Variants in MICU1 observed in about 807,000 individuals in gnomAD.
MICU1 encodes the protein calcium uptake protein 1, mitochondrial.
In MICU1, 45 loss-of-function variants were observed where a neutral mutation model predicts 56.8. That is an observed-to-expected ratio of 0.79 (90% confidence interval 0.62 to 1.02). The LOEUF (loss-of-function observed/expected upper bound fraction) is 1.02. Ranked by LOEUF, MICU1 falls within the 50% of genes least tolerant of loss-of-function variation. The pLI is 0.00. For synonymous variants in MICU1, 186 were observed against 195.1 expected, an observed-to-expected ratio of 0.95 and a Z score of 0.39; for missense variants, 504 against 587.1, an observed-to-expected ratio of 0.86 and a Z score of 1.46.
intron 8 of MICU1, among the ~76,000 whole-genome samples, chr10:72,474,321 G>GT (rs930091154): frequency 6.1e-5 from 9 of 147,390 alleles, no homozygotes; most frequent in African/African-American, 1.7e-4. Flanking sequence ...AAACACCAGT[G>GT]TAAGAGAATT....
intron 5 of MICU1, chr10:72,509,482 T>C: frequency 8.9e-7 from 1 of 1,126,454 alleles, no homozygotes; most frequent in Middle Eastern, 2.3e-4. Context: ...ACACGAATCA[T>C]CGTGAAGTCA....
intron 4 of MICU1, among the ~76,000 whole-genome samples, chr10:72,544,647 T>C (rs1015365834): frequency 5.3e-5 from 8 of 152,214 alleles, no homozygotes; most frequent in African/African-American, 1.9e-4. Context: ...AGCTGGTTAC[T>C]GCAATAGCAA....
At chr10:72,536,740 C>A (rs1166478441) in intron 4 of MICU1, among the ~76,000 whole-genome samples, 1 of 152,110 alleles carries the variant, frequency 6.6e-6, no homozygotes, top group Non-Finnish European at 1.5e-5. Context: ...CAAATAGTAT[C>A]ATTTTAAGTA....
intron 5 of MICU1, chr10:72,509,480 C>T (rs1277906945): frequency 8.8e-7 from 1 of 1,131,876 alleles, no homozygotes; most frequent in East Asian, 5.6e-5. Context: ...CCACACGAAT[C>T]ATCGTGAAGT....
intron 8 of MICU1, chr10:72,473,255 G>T (rs1866003058): frequency 1.3e-5 from 2 of 149,068 alleles, no homozygotes; most frequent in African/African-American, 5.0e-5. Context: ...GTGATTAGAT[G>T]TCGGTGGTCA....
intron 1 of MICU1, among the ~76,000 whole-genome samples, chr10:72,613,195 C>T (rs1233048677): frequency 6.6e-6 from 1 of 151,754 alleles, no homozygotes; most frequent in Non-Finnish European, 1.5e-5. Flanking sequence ...TATGGCTACT[C>T]ATCAAACTAT....
At chr10:72,519,417 T>C (rs929067394) in intron 5 of MICU1, among the ~76,000 whole-genome samples, 2 of 152,190 alleles carry the variant, frequency 1.3e-5, no homozygotes, top group African/African-American at 4.8e-5. Context: ...ATCCTGGATA[T>C]TTTCATTTTT....
chr10:72,382,799 C>G (rs1862760937), intron 10 of MICU1, among the ~76,000 whole-genome samples: 1 of 152,178 alleles, frequency 6.6e-6, no homozygotes, highest in African/African-American at 2.4e-5. Context: ...ATCCCAGCTA[C>G]TCAGGAGGCT....
chr10:72,605,838 T>C (rs1036309873), intron 1 of MICU1, among the ~76,000 whole-genome samples: 4 of 152,162 alleles, frequency 2.6e-5, no homozygotes, highest in Admixed American at 6.6e-5. Flanking sequence ...TTAAGTAATA[T>C]AATTTTCACT....
At chr10:72,484,280 G>A (rs1866393527) in intron 6 of MICU1, among the ~76,000 whole-genome samples, 2 of 151,918 alleles carry the variant, frequency 1.3e-5, no homozygotes, top group African/African-American at 4.8e-5. Flanking sequence ...GGGAGAACAA[G>A]ACAATAAGGC....
At chr10:72,615,420 A>G (rs190892842) in intron 1 of MICU1, among the ~76,000 whole-genome samples, 24 of 152,226 alleles carry the variant, frequency 1.6e-4, no homozygotes, top group Middle Eastern at 3.4e-3. Context: ...ACCACAGCAC[A>G]CTGTGCTGTG....
At chr10:72,472,566 G>A (rs941492417) in intron 8 of MICU1, among the ~76,000 whole-genome samples, 5 of 151,202 alleles carry the variant, frequency 3.3e-5, no homozygotes, top group African/African-American at 1.2e-4. Flanking sequence ...TCATGTAAAG[G>A]TATTGAAAAA....
At chr10:72,390,528 T>G (rs1863034052) in intron 10 of MICU1, among the ~76,000 whole-genome samples, 1 of 152,234 alleles carries the variant, frequency 6.6e-6, no homozygotes, top group African/African-American at 2.4e-5. Context: ...ATCATCATAT[T>G]GCAGTATACA....
At chr10:72,601,072 C>A (rs551221990) in intron 1 of MICU1, among the ~76,000 whole-genome samples, 1 of 152,202 alleles carries the variant, frequency 6.6e-6, no homozygotes, top group South Asian at 2.1e-4. Flanking sequence ...AGAAAATGTT[C>A]TTTTTGGACC....
chr10:72,604,357 T>TC (rs5786087), intron 1 of MICU1, among the ~76,000 whole-genome samples: 19,926 of 100,518 alleles, frequency 0.2, 4,380 homozygotes, highest in African/African-American at 0.49. Context: ...CACTGCAACC[T>TC]CCCCCTCCTG....
chr10:72,381,042 T>A (rs1862685631), intron 10 of MICU1, among the ~76,000 whole-genome samples: 1 of 152,162 alleles, frequency 6.6e-6, no homozygotes, highest in Non-Finnish European at 1.5e-5. Flanking sequence ...TCAACAGCAA[T>A]CCAACGAAAA....
At chr10:72,403,068 A>G (rs1589176677) in intron 10 of MICU1, among the ~76,000 whole-genome samples, 1 of 152,112 alleles carries the variant, frequency 6.6e-6, no homozygotes, top group African/African-American at 2.4e-5. Context: ...ATTTATGGTA[A>G]GTGATACTAC....
At chr10:72,497,488 T>G (rs1168038056) in intron 6 of MICU1, among the ~76,000 whole-genome samples, 1 of 152,192 alleles carries the variant, frequency 6.6e-6, no homozygotes, top group Non-Finnish European at 1.5e-5. Context: ...ACCAATACAT[T>G]TGATTCCGGT....
At chr10:72,488,787 G>A (rs1212864441) in intron 6 of MICU1, among the ~76,000 whole-genome samples, 1 of 152,034 alleles carries the variant, frequency 6.6e-6, no homozygotes, top group African/African-American at 2.4e-5. Context: ...TGTTTTTTGA[G>A]GCAAGATCAA....
Sources: gnomAD v4.1 joint callset for allele counts (sites outside exome capture counted in the v4.1 genomes callset) on GRCh38, gnomAD v4.1.1 for gene constraint, MANE v1.5 for transcripts, NCBI Gene and HGNC (gene_info 2026-07-23, HGNC 2026-07-21) for gene names.